FOXK1: variants seen among roughly 807,000 people sequenced by gnomAD.
FOXK1 encodes forkhead box K1.
Under a neutral mutation model 51.9 loss-of-function variants are expected in FOXK1, and 19 were observed. The observed-to-expected ratio is 0.37, with a 90% confidence interval of 0.26 to 0.54. The LOEUF is 0.54. FOXK1 is among the 20% of genes least tolerant of loss of function. The pLI, the probability that FOXK1 is intolerant of heterozygous loss-of-function variation, is 0.87. For synonymous variants in FOXK1, 537 were observed against 482.6 expected, an observed-to-expected ratio of 1.11 and a Z score of -1.48; for missense variants, 870 against 1,032.7, an observed-to-expected ratio of 0.84 and a Z score of 2.16.
chr7:4,749,783 T>C lies in FOXK1; in HGVS notation c.747-4676T>C, dbSNP rs774250109. Among the ~76,000 whole-genome samples the C allele has an allele frequency of 1.3e-5, 2 of 152,210 alleles. No individual in the cohort carries two copies. The highest frequency in any genetic ancestry group is 2.9e-5 in the Non-Finnish European group (2 of 68,028). On this transcript the variant is annotated intron_variant, in intron 2 of 8. Transcript: ENST00000328914. The surrounding 1 kb of genome is among the most constrained non-coding windows in gnomAD (Gnocchi z 6.0). The stretch of plus-strand genomic sequence containing the variant: ...AGCCCTGTGCCCTGGGGAAGGCTTG[T>C]CTTAGGCTCTGGGGACGGAGCCCAG...
At chr7:4,740,390 C>A (rs1482777381) in intron 1 of FOXK1, among the ~76,000 whole-genome samples, 12 of 138,344 alleles carry the variant, frequency 8.7e-5, no homozygotes, top group Middle Eastern at 4.3e-3. Flanking sequence ...AGATCGTGTC[C>A]CTGCACTCCA....
Position 4,730,477 on chromosome 7 carries a change from G to C in FOXK1, c.561-10361G>C, listed in dbSNP as rs920307281. Among the ~76,000 whole-genome samples the C allele has an allele frequency of 6.6e-6, 1 of 152,222 alleles. No individual in the cohort carries two copies. The highest frequency in any genetic ancestry group is 1.5e-5 in the Non-Finnish European group (1 of 68,032). The stretch of plus-strand genomic sequence containing the variant: ...CTGGAGGAGGGACGCAGGCCCAGTG[G>C]AGAGGGCGTGGTTTGCAGGCACCAG... On this transcript the variant is annotated intron_variant, in intron 1 of 8. Coordinates refer to ENST00000328914, the MANE Select transcript of FOXK1 (RefSeq NM_001037165.2). This position sits in a 1 kb window ranked among gnomAD's most constrained non-coding sequence, Gnocchi z 4.7.
intron 1 of FOXK1, among the ~76,000 whole-genome samples, chr7:4,727,846 C>G (rs919753676): frequency 2.0e-5 from 3 of 152,218 alleles, no homozygotes; most frequent in Non-Finnish European, 4.4e-5. Flanking sequence ...GTGGCCATGC[C>G]TGAACCTCTC....
rs1245425181 is a variant in FOXK1 at position 4,762,861 on chromosome 7, C to G, written c.*397C>G. On this transcript the variant is annotated 3_prime_UTR_variant, in exon 9 of 9. Coordinates refer to ENST00000328914, the MANE Select transcript of FOXK1 (RefSeq NM_001037165.2). This position sits in a 1 kb window ranked among gnomAD's most constrained non-coding sequence, Gnocchi z 5.7. ...CTTTGTCCGGGAGGACAGACAGAAA[C>G]GCAGCAAGGCACACACCAAGGCTGC... 5.1e-6 allele frequency: 1 copy of G among 197,150 alleles called. No individual in the cohort carries two copies. The highest frequency in any genetic ancestry group is 1.0e-5 in the Non-Finnish European group (1 of 95,508). The allele number at this position is 197,150 out of a possible 1,614,324, so 12.2% of individuals were successfully genotyped here. A position where few individuals can be genotyped will look rare whatever the true frequency, so the allele number is the denominator to read the frequency against.
intron 1 of FOXK1, among the ~76,000 whole-genome samples, chr7:4,705,984 GTATATATACGTATATATACGTA>G (rs1780089971): frequency 1.1e-5 from 1 of 87,934 alleles, no homozygotes; most frequent in South Asian, 2.8e-4. Flanking sequence ...GTATATATAC[GTATATATACGTATATATACGTA>G]TATATACGTA....
intron 7 of FOXK1, 72 bp downstream of exon 7, chr7:4,759,667 G>C: frequency 6.8e-7 from 1 of 1,469,154 alleles, no homozygotes; most frequent in African/African-American, 1.4e-5. Flanking sequence ...CCCCAAGGCA[G>C]CGCCATTGGC....
rs1169293358 is a variant in FOXK1, at chr7:4,703,654, A to G, written c.560+20786A>G. Among the ~76,000 whole-genome samples the G allele has an allele frequency of 6.6e-6, 1 of 152,222 alleles. No individual in the cohort carries two copies. Among genetic ancestry groups the G allele is most frequent in the East Asian group, 1.9e-4 (1 of 5,194 alleles). Reference sequence around the variant, plus strand: ...CTAAAAGCTTGAATATTAAAACCAAATGATCCCGGGTAGAGCTGCAGCTGG... The same window carrying G: ...CTAAAAGCTTGAATATTAAAACCAAGTGATCCCGGGTAGAGCTGCAGCTGG... On this transcript the variant is annotated intron_variant, in intron 1 of 8. Coordinates refer to ENST00000328914, the MANE Select transcript of FOXK1 (RefSeq NM_001037165.2). The surrounding 1 kb of genome is among the most constrained non-coding windows in gnomAD (Gnocchi z 5.6).
rs529232093 is a variant in FOXK1, at chr7:4,720,574, A to G, written c.561-20264A>G. 4.6e-5 allele frequency among the ~76,000 whole-genome samples: 7 copies of G among 152,292 alleles called. No individual in the cohort carries two copies. The South Asian group carries it at 1.2e-3, about 27-fold the overall frequency. Reference sequence around the variant, plus strand: ...CAGTGGGGATGGGCAGCCTGTGGCCAACTTCGATGCTGGCAGAGCCAGGCC... The same window carrying G: ...CAGTGGGGATGGGCAGCCTGTGGCCGACTTCGATGCTGGCAGAGCCAGGCC... On this transcript the variant is annotated intron_variant, in intron 1 of 8. Coordinates refer to ENST00000328914, the MANE Select transcript of FOXK1 (RefSeq NM_001037165.2).
At chr7:4,689,452 G>A (rs970492644) in intron 1 of FOXK1, among the ~76,000 whole-genome samples, 4 of 152,228 alleles carry the variant, frequency 2.6e-5, no homozygotes, top group South Asian at 2.1e-4. Context: ...CTACATAAAC[G>A]TTTTAGCCCC....
rs1319621656 is a variant in FOXK1 at position 4,709,345 on chromosome 7, C to CA, written c.560+26478dup. 1.3e-5 allele frequency among the ~76,000 whole-genome samples: 2 copies of CA among 152,218 alleles called. No homozygotes were observed. Among genetic ancestry groups the CA allele is most frequent in the East Asian group, 3.9e-4 (2 of 5,184 alleles). On this transcript the variant is annotated intron_variant, in intron 1 of 8. Coordinates refer to ENST00000328914, the MANE Select transcript of FOXK1 (RefSeq NM_001037165.2). This position sits in a 1 kb window ranked among gnomAD's most constrained non-coding sequence, Gnocchi z 5.6. ...GCCTACTGTGCCTCCTTCCCAGTGTCACGTTGCTGCGTCCACGAGCCTGGC... is the reference window on the plus strand; with the variant it reads ...GCCTACTGTGCCTCCTTCCCAGTGTCAACGTTGCTGCGTCCACGAGCCTGGC...
intron 1 of FOXK1, among the ~76,000 whole-genome samples, chr7:4,726,864 G>A (rs1780387587): frequency 6.6e-6 from 1 of 152,192 alleles, no homozygotes; most frequent in African/African-American, 2.4e-5. Context: ...GGATATTTTG[G>A]TGAGTTAATT....
intron 1 of FOXK1, among the ~76,000 whole-genome samples, chr7:4,713,623 C>T (rs1449779962): frequency 6.6e-6 from 1 of 151,418 alleles, no homozygotes. Flanking sequence ...TCCCGAGTTG[C>T]TGGGATTACA....
Position 4,756,345 on chromosome 7 carries a change from C to T in FOXK1, c.1051-649C>T, listed in dbSNP as rs1780852823. 6.6e-6 allele frequency among the ~76,000 whole-genome samples: 1 copy of T among 152,032 alleles called. No homozygotes were observed. The highest frequency in any genetic ancestry group is 1.5e-5 in the Non-Finnish European group (1 of 68,004). On this transcript the variant is annotated intron_variant, in intron 4 of 8. Transcript: ENST00000328914. This position sits in a 1 kb window ranked among gnomAD's most constrained non-coding sequence, Gnocchi z 4.1. ...GCCCAGGCTGGTCTCAAACTCCTGA[C>T]CTCAGGTAATCCTGCCAGCCTCGGC...
intron 1 of FOXK1, among the ~76,000 whole-genome samples, chr7:4,692,078 TTATC>T (rs1457001422): frequency 1.3e-5 from 2 of 152,204 alleles, no homozygotes; most frequent in African/African-American, 2.4e-5. Flanking sequence ...GCATATTTAT[TTATC>T]TACTCAAAAA....
Position 4,709,650 on chromosome 7 carries a change from T to TTTTGCC in FOXK1, c.560+26783_560+26788dup, listed in dbSNP as rs539542112. 2.0e-5 allele frequency among the ~76,000 whole-genome samples: 3 copies of TTTTGCC among 152,278 alleles called. No homozygotes were observed. The East Asian group carries it at 5.8e-4, about 29-fold the overall frequency. On this transcript the variant is annotated intron_variant, in intron 1 of 8. Transcript: ENST00000328914. This position sits in a 1 kb window ranked among gnomAD's most constrained non-coding sequence, Gnocchi z 5.6. ...TAACTTTGTTAAAATCATGAACTGG[T>TTTTGCC]TTTGCCGCAGTAAAGCGTAATTCAC...
intron 1 of FOXK1, among the ~76,000 whole-genome samples, chr7:4,726,771 C>G: frequency 6.6e-6 from 1 of 152,182 alleles, no homozygotes; most frequent in East Asian, 1.9e-4. Context: ...TTCGCCCACT[C>G]TATTCATAGG....
In FOXK1 at chr7:4,761,841, G is replaced by A. The variant is rs1464231202; in HGVS notation, c.1922-343G>A. On this transcript the variant is annotated intron_variant, in intron 8 of 8. Coordinates refer to ENST00000328914, the MANE Select transcript of FOXK1 (RefSeq NM_001037165.2). This position sits in a 1 kb window ranked among gnomAD's most constrained non-coding sequence, Gnocchi z 6.2. ...GTGCTGGGGTGCAAGGGTGCTGGGC[G>A]GGGGTGCAGGGTACCAGGGCACCGG... 6.6e-6 allele frequency among the ~76,000 whole-genome samples: 1 copy of A among 152,110 alleles called. No homozygotes were observed. Among genetic ancestry groups the A allele is most frequent in the Admixed American group, 6.6e-5 (1 of 15,260 alleles).
At position 4,761,378 on chromosome 7, in the gene FOXK1, C is replaced by T; in HGVS notation, c.1921+90C>T. Reference sequence around the variant, plus strand: ...GCATGAGAATGTTCTCCCAGTATCTCCCGATCCTCCACTCAGTTCAATTTA... The same window carrying T: ...GCATGAGAATGTTCTCCCAGTATCTTCCGATCCTCCACTCAGTTCAATTTA... On this transcript the variant is annotated intron_variant, in intron 8 of 8. Transcript: ENST00000328914. The surrounding 1 kb of genome is among the most constrained non-coding windows in gnomAD (Gnocchi z 6.2). 8.0e-7 allele frequency: 1 copy of T among 1,250,078 alleles called. No individual in the cohort carries two copies. The highest frequency in any genetic ancestry group is 1.1e-6 in the Non-Finnish European group (1 of 892,570). The allele number at this position is 1,250,078 out of a possible 1,614,324, so 77.4% of individuals were successfully genotyped here.
intron 1 of FOXK1, among the ~76,000 whole-genome samples, chr7:4,704,381 G>T (rs1483648901): frequency 1.3e-5 from 2 of 150,064 alleles, no homozygotes; most frequent in Non-Finnish European, 3.0e-5. Flanking sequence ...AACTCAGAAG[G>T]TGAAGATTGT....
Sources: gnomAD v4.1 joint callset for allele counts (sites outside exome capture counted in the v4.1 genomes callset) on GRCh38, gnomAD v4.1.1 for gene constraint, Gnocchi (gnomAD v3.1) non-coding constraint, MANE v1.5 for transcripts, NCBI Gene and HGNC (gene_info 2026-07-23, HGNC 2026-07-21) for gene names.